Variants in CLSTN2 observed in about 807,000 individuals in gnomAD.
CLSTN2 encodes calsyntenin-2.
A neutral mutation model predicts 101.2 loss-of-function variants in CLSTN2; 48 were observed. That is an observed-to-expected ratio of 0.47 (90% confidence interval 0.38 to 0.60). The LOEUF is 0.60. Ranked by LOEUF, CLSTN2 falls within the 20% of genes least tolerant of loss-of-function variation. The pLI is 0.00. For synonymous variants in CLSTN2, 481 were observed against 463.6 expected, an observed-to-expected ratio of 1.04 and a Z score of -0.48; for missense variants, 1,160 against 1,238.2, an observed-to-expected ratio of 0.94 and a Z score of 0.95.
intron 1 of CLSTN2, among the ~76,000 whole-genome samples, chr3:140,010,883 A>C (rs2007058943): frequency 6.6e-6 from 1 of 152,238 alleles, no homozygotes; most frequent in South Asian, 2.1e-4. Context: ...AAACAACTTT[A>C]AACAAGAAGG....
intron 4 of CLSTN2, among the ~76,000 whole-genome samples, chr3:140,408,539 C>T (rs1040051299): frequency 3.3e-5 from 5 of 152,188 alleles, no homozygotes; most frequent in African/African-American, 1.2e-4. Flanking sequence ...TTTACCATTA[C>T]GGAACTCAGC....
At chr3:140,361,538 AAAC>A (rs1382488029) in intron 2 of CLSTN2, among the ~76,000 whole-genome samples, 4 of 152,196 alleles carry the variant, frequency 2.6e-5, no homozygotes, top group Non-Finnish European at 5.9e-5. Context: ...GGAAGAAGTA[AAAC>A]TATCTTTATG....
intron 1 of CLSTN2, among the ~76,000 whole-genome samples, chr3:140,173,143 G>T (rs2010265598): frequency 6.6e-6 from 1 of 152,162 alleles, no homozygotes; most frequent in Admixed American, 6.5e-5. Flanking sequence ...AAGCAAGCTA[G>T]TTATTTCCTA....
At chr3:140,053,790 A>G (rs2008046731) in intron 1 of CLSTN2, among the ~76,000 whole-genome samples, 1 of 152,176 alleles carries the variant, frequency 6.6e-6, no homozygotes, top group African/African-American at 2.4e-5. Flanking sequence ...GTGAAATGGA[A>G]TCAATAACAC....
intron 2 of CLSTN2, among the ~76,000 whole-genome samples, chr3:140,190,742 AT>A (rs760180646): frequency 2.0e-5 from 3 of 151,928 alleles, no homozygotes; most frequent in Admixed American, 6.6e-5. Flanking sequence ...TAGACATACA[AT>A]TTTTTTTATG....
chr3:140,498,888 A>C (rs1285268273), intron 8 of CLSTN2, among the ~76,000 whole-genome samples: 1 of 151,560 alleles, frequency 6.6e-6, no homozygotes, highest in Non-Finnish European at 1.5e-5. Flanking sequence ...GAAATCCAAG[A>C]TTGTACAAAG....
chr3:140,081,688 CATG>C (rs574482702), intron 1 of CLSTN2, among the ~76,000 whole-genome samples: 254 of 150,700 alleles, frequency 1.7e-3, no homozygotes, highest in Middle Eastern at 6.9e-3. Flanking sequence ...TGCCTGATAT[CATG>C]ATATCATACC....
intron 1 of CLSTN2, among the ~76,000 whole-genome samples, chr3:140,040,281 G>T (rs561944651): frequency 1.1e-3 from 170 of 152,220 alleles, no homozygotes; most frequent in Non-Finnish European, 1.7e-3. Flanking sequence ...GTGCTCTCTA[G>T]CTCCTCTTTG....
At chr3:139,985,390 G>C (rs545442733) in intron 1 of CLSTN2, among the ~76,000 whole-genome samples, 71 of 152,222 alleles carry the variant, frequency 4.7e-4, no homozygotes, top group African/African-American at 1.6e-3. Context: ...AGAGCTTTTT[G>C]AGCTTTGTTC....
At chr3:140,135,497 A>C (rs1033991321) in intron 1 of CLSTN2, among the ~76,000 whole-genome samples, 2 of 152,182 alleles carry the variant, frequency 1.3e-5, no homozygotes, top group Non-Finnish European at 2.9e-5. Context: ...CTCTACAAAC[A>C]AACTAGTTTG....
At chr3:140,000,608 C>T (rs944401002) in intron 1 of CLSTN2, among the ~76,000 whole-genome samples, 4 of 152,180 alleles carry the variant, frequency 2.6e-5, no homozygotes, top group South Asian at 4.1e-4. Context: ...TTAACTCCTA[C>T]TGCATTCTGT....
intron 2 of CLSTN2, among the ~76,000 whole-genome samples, chr3:140,378,196 G>C (rs2087940593): frequency 6.6e-6 from 1 of 152,166 alleles, no homozygotes; most frequent in Admixed American, 6.5e-5. Context: ...AATTTCTAAT[G>C]ACAATTTTCT....
At chr3:140,121,760 G>A (rs1424464460) in intron 1 of CLSTN2, among the ~76,000 whole-genome samples, 1 of 152,178 alleles carries the variant, frequency 6.6e-6, no homozygotes, top group East Asian at 1.9e-4. Context: ...GCTGTTTGGT[G>A]GGCTTGGTGA....
intron 1 of CLSTN2, among the ~76,000 whole-genome samples, chr3:139,970,966 C>T (rs1935688750): frequency 6.6e-6 from 1 of 152,276 alleles, no homozygotes; most frequent in South Asian, 2.1e-4. Flanking sequence ...TTTGTAAAAA[C>T]TGGGGTAGGC....
intron 5 of CLSTN2, among the ~76,000 whole-genome samples, chr3:140,445,304 G>A (rs560841007): frequency 8.5e-5 from 13 of 152,182 alleles, no homozygotes; most frequent in Non-Finnish European, 1.6e-4. Context: ...ATTTGAGGTG[G>A]AATTTCTCAT....
intron 1 of CLSTN2, among the ~76,000 whole-genome samples, chr3:140,141,402 G>A (rs967350329): frequency 6.6e-6 from 1 of 152,180 alleles, no homozygotes; most frequent in Admixed American, 6.5e-5. Flanking sequence ...GGCACTACTC[G>A]GAAGAAGGCA....
chr3:140,513,583 C>CTTCTTTTTTTTTTT (rs374321434), intron 8 of CLSTN2, among the ~76,000 whole-genome samples: 1 of 117,768 alleles, frequency 8.5e-6, no homozygotes, highest in Non-Finnish European at 1.7e-5. Context: ...TTTTTTCTTT[C>CTTCTTTTTTTTTTT]TTTTTTTTTT....
chr3:140,271,372 T>G (rs1354251608), intron 2 of CLSTN2, among the ~76,000 whole-genome samples: 1 of 152,204 alleles, frequency 6.6e-6, no homozygotes, highest in African/African-American at 2.4e-5. Flanking sequence ...GTTTAGCTGT[T>G]ATAACAATGT....
intron 1 of CLSTN2, among the ~76,000 whole-genome samples, chr3:139,994,509 T>C (rs1175689137): frequency 2.0e-5 from 3 of 152,208 alleles, no homozygotes; most frequent in Non-Finnish European, 4.4e-5. Context: ...TATTCTGTCT[T>C]TATTATTCTT....
Sources: allele counts gnomAD v4.1 joint callset (sites outside exome capture counted in the v4.1 genomes callset), GRCh38; gene constraint gnomAD v4.1.1; transcripts MANE v1.5; gene names NCBI Gene and HGNC (gene_info 2026-07-23, HGNC 2026-07-21).